ATP2C2: variants seen among roughly 807,000 people sequenced by gnomAD.
The protein encoded by ATP2C2 is calcium-transporting ATPase type 2C member 2.
A neutral mutation model predicts 110.8 loss-of-function variants in ATP2C2; 171 were observed. The observed-to-expected ratio is 1.54, with a 90% CI of 1.36 to 1.75. The LOEUF (loss-of-function observed/expected upper bound fraction) is 1.75, where lower values mean the gene tolerates loss of function less well. ATP2C2 is among the 40% of genes most tolerant of loss of function. ATP2C2 has a pLI of 0.00. For synonymous variants in ATP2C2, 804 were observed against 508.4 expected, an observed-to-expected ratio of 1.58 and a Z score of -7.82; for missense variants, 1,963 against 1,235.0, an observed-to-expected ratio of 1.59 and a Z score of -8.84.
At position 84,452,791 on chromosome 16, in the gene ATP2C2, G is replaced by C. The variant is rs181300847; in HGVS notation, c.1832-347G>C. On this transcript the variant is annotated intron_variant, in intron 18 of 26. Transcript: ENST00000262429. ...TGGGATTACAGGCATGAGCCACTGC[G>C]CCCAGCCCCTCTAGTTACTATTATA... 1.4e-3 allele frequency among the ~76,000 whole-genome samples: 217 copies of C among 152,216 alleles called. 1 individual carries two copies. The highest frequency in any genetic ancestry group is 2.8e-3 in the Non-Finnish European group (192 of 67,994).
intron 1 of ATP2C2, among the ~76,000 whole-genome samples, chr16:84,385,188 CATG>C (rs1904302913): frequency 6.6e-6 from 1 of 152,146 alleles, no homozygotes; most frequent in Non-Finnish European, 1.5e-5. Flanking sequence ...GGTTTCCAAT[CATG>C]GTGGAAGGCA....
intron 10 of ATP2C2, among the ~76,000 whole-genome samples, chr16:84,424,327 G>A (rs1907607824): frequency 6.6e-6 from 1 of 152,184 alleles, no homozygotes; most frequent in Admixed American, 6.5e-5. Context: ...TGCCCAGACT[G>A]GAGAGCAGTG....
chr16:84,425,907 G>T (rs1010518040), intron 11 of ATP2C2, 106 bp downstream of exon 11: 424 of 1,363,702 alleles, frequency 3.1e-4, no homozygotes, highest in Non-Finnish European at 4.2e-4. Context: ...GGAAGGGTTG[G>T]GAAGGTGCAG....
At position 84,419,734 on chromosome 16, in the gene ATP2C2, G is replaced by C. The variant is rs144030041; in HGVS notation, c.625-2656G>C. Among the ~76,000 whole-genome samples, 782 of 152,212 alleles carry C rather than the reference G, an allele frequency of 5.1e-3. 10 individuals are homozygous for C. Among genetic ancestry groups the C allele is most frequent in the African/African-American group, 0.018 (735 of 41,526 alleles). Reference sequence around the variant, plus strand: ...AGCACCTACTACGTATGAGGCCCTGGGCTGGGTACCGAGGACACCGTGCAG... The same window carrying C: ...AGCACCTACTACGTATGAGGCCCTGCGCTGGGTACCGAGGACACCGTGCAG... On this transcript the variant is annotated intron_variant, in intron 7 of 26. Coordinates refer to ENST00000262429, the MANE Select transcript of ATP2C2 (RefSeq NM_014861.4).
At chr16:84,386,406 G>A (rs1158979510) in intron 1 of ATP2C2, among the ~76,000 whole-genome samples, 20 of 152,244 alleles carry the variant, frequency 1.3e-4, no homozygotes, top group Non-Finnish European at 2.2e-4. Context: ...AAGAACACTG[G>A]CTACCATTAC....
At position 84,422,979 on chromosome 16, in the gene ATP2C2, T is replaced by C. The variant is rs79539860; in HGVS notation, c.844-209T>C. Among the ~76,000 whole-genome samples, 1,216 of 152,240 alleles carry C rather than the reference T, an allele frequency of 8.0e-3. 17 individuals are homozygous for C. The highest frequency in any genetic ancestry group is 0.028 in the African/African-American group (1,152 of 41,536). ...CACACCTGGCCTCTTTTCAAACACG[T>C]AAGACATTTGTTAGCATTTTGATAA... On this transcript the variant is annotated intron_variant, in intron 9 of 26. Coordinates refer to ENST00000262429, the MANE Select transcript of ATP2C2 (RefSeq NM_014861.4).
At chr16:84,390,974 C>T (rs528842172) in intron 1 of ATP2C2, among the ~76,000 whole-genome samples, 2 of 151,794 alleles carry the variant, frequency 1.3e-5, no homozygotes, top group African/African-American at 4.8e-5. Context: ...ATTAGCCCGG[C>T]GTGGTGGTGG....
intron 4 of ATP2C2, among the ~76,000 whole-genome samples, chr16:84,409,034 C>T (rs1037194706): frequency 9.9e-5 from 15 of 152,110 alleles, no homozygotes; most frequent in African/African-American, 3.6e-4. Flanking sequence ...CTTCCTGTCC[C>T]CGCTCCTACC....
intron 1 of ATP2C2, among the ~76,000 whole-genome samples, chr16:84,379,005 T>TGCA (rs1443810029): frequency 6.6e-6 from 1 of 152,106 alleles, no homozygotes; most frequent in African/African-American, 2.4e-5. Flanking sequence ...AGGGTACACA[T>TGCA]GCAGGATGTG....
intron 11 of ATP2C2, 98 bp downstream of exon 11, chr16:84,425,899 A>G: frequency 6.9e-7 from 1 of 1,442,506 alleles, no homozygotes; most frequent in Admixed American, 1.7e-5. Context: ...GCAGAATAGG[A>G]AGGGTTGGGA....
chr16:84,386,610 C>T (rs8055795), intron 1 of ATP2C2, among the ~76,000 whole-genome samples: 61,469 of 151,950 alleles, frequency 0.4, 12,558 homozygotes, highest in East Asian at 0.44. Context: ...TGGTGTCACA[C>T]TCCCACTGCG....
At chr16:84,390,704 C>G (rs143207841) in intron 1 of ATP2C2, among the ~76,000 whole-genome samples, 8 of 152,242 alleles carry the variant, frequency 5.3e-5, no homozygotes, top group South Asian at 2.1e-4. Context: ...ATGAGCTCCA[C>G]GTGGTGCCTG....
intron 1 of ATP2C2, among the ~76,000 whole-genome samples, chr16:84,374,446 A>G (rs1229816877): frequency 6.6e-6 from 1 of 152,194 alleles, no homozygotes; most frequent in Non-Finnish European, 1.5e-5. Context: ...TGTTGATCAG[A>G]CAGTCATTGA....
rs62640929 is a variant in ATP2C2, at chr16:84,448,621, C to T, written c.1592C>T (p.Pro531Leu). 22 of 1,613,910 alleles carry T rather than the reference C, an allele frequency of 1.4e-5. No homozygotes were observed. Among genetic ancestry groups the T allele is most frequent in the Admixed American group, 8.3e-5 (5 of 59,984 alleles). Residue 531 changes from proline to leucine, a missense_variant, in exon 17 of 27, where the codon CCG (proline) becomes CTG (leucine). Transcript: ENST00000262429. ...TACAACAACGGGGGCATCCCCCTGC[C>T]GCTGACGCCCCAGCAGAGGTCATTC... ...TMYNNGGIPL[P>L]LTPQQRSFCL... is the part of the protein sequence containing the mutation.
Position 84,440,085 on chromosome 16 carries a change from G to T in ATP2C2, c.1209+561G>T, listed in dbSNP as rs983887580. Among the ~76,000 whole-genome samples the T allele has an allele frequency of 3.3e-5, 5 of 152,318 alleles. No homozygotes were observed. The East Asian group carries it at 5.8e-4, about 18-fold the overall frequency. ...ACTCCTGACCTCAGGTGATCCGCCC[G>T]CCTTGGCCTCCCAGAGTGCTGGGAT... On this transcript the variant is annotated intron_variant, in intron 13 of 26. Transcript: ENST00000262429.
chr16:84,427,998 C>T (rs1253282438), intron 11 of ATP2C2, among the ~76,000 whole-genome samples: 1 of 152,078 alleles, frequency 6.6e-6, no homozygotes, highest in Non-Finnish European at 1.5e-5. Flanking sequence ...ACTAAGAATG[C>T]TGTTATTGAG....
intron 1 of ATP2C2, among the ~76,000 whole-genome samples, chr16:84,377,345 G>A (rs547812046): frequency 1.3e-5 from 2 of 152,274 alleles, no homozygotes; most frequent in South Asian, 2.1e-4. Context: ...GGAGTGGGCC[G>A]GACAGGCATC....
At chr16:84,406,025 AG>A (rs1165203544) in intron 3 of ATP2C2, among the ~76,000 whole-genome samples, 1 of 152,208 alleles carries the variant, frequency 6.6e-6, no homozygotes, top group Non-Finnish European at 1.5e-5. Context: ...AAAAACAAAA[AG>A]TTCCTTGTTT....
rs146604607 is a variant in ATP2C2, at chr16:84,405,091, G to A, written c.211-37G>A. On this transcript the variant is annotated intron_variant, in intron 2 of 26. Transcript: ENST00000262429. ...ACCCTGTTGCCTCATTCCTTGCTGC[G>A]CCCATGAGTGAGCTTGTGCCTGACC... The A allele has an allele frequency of 2.9e-4, 447 of 1,553,762 alleles. 1 individual carries two copies. In the East Asian group the frequency reaches 5.9e-3, roughly 21 times the overall value.
Sources: gnomAD v4.1 joint callset for allele counts (sites outside exome capture counted in the v4.1 genomes callset) on GRCh38, gnomAD v4.1.1 for gene constraint, MANE v1.5 for transcripts, NCBI Gene and HGNC (gene_info 2026-07-23, HGNC 2026-07-21) for gene names.